Variants in NEGR1 observed in about 807,000 individuals in gnomAD.
NEGR1 encodes IgLON family member 4.
NEGR1 carries 10 observed loss-of-function variants against 40.9 expected under a neutral mutation model. That is an observed-to-expected ratio of 0.24 (90% CI 0.15 to 0.42). NEGR1 has a LOEUF of 0.42. Among genes scored for constraint, NEGR1 ranks in the 10% least tolerant of loss-of-function variants. The probability of loss-of-function intolerance (pLI) is 1.00; values close to 1 mark genes in which losing one functional copy is unlikely to be tolerated. For missense variants in NEGR1, 352 were observed against 438.9 expected (o/e 0.80, Z 1.77); for synonymous variants, 185 against 166.8 (o/e 1.11, Z -0.84).
chr1:71,418,026 C>T (rs1569848500), intron 6 of NEGR1, among the ~76,000 whole-genome samples: 3 of 151,330 alleles, frequency 2.0e-5, no homozygotes, highest in African/African-American at 7.3e-5. Flanking sequence ...TATACATGCT[C>T]AGTGATCACC....
chr1:71,833,275 T>C (rs1658901311), intron 2 of NEGR1, among the ~76,000 whole-genome samples: 1 of 152,054 alleles, frequency 6.6e-6, no homozygotes, highest in Admixed American at 6.6e-5. Flanking sequence ...AGTAACAAGA[T>C]GTTAGGACTT....
chr1:71,539,511 C>G (rs1455833745), intron 6 of NEGR1, among the ~76,000 whole-genome samples: 1 of 151,610 alleles, frequency 6.6e-6, no homozygotes, highest in Non-Finnish European at 1.5e-5. Flanking sequence ...AGTTTTTTGT[C>G]CCTACATGCA....
intron 1 of NEGR1, among the ~76,000 whole-genome samples, chr1:72,178,717 G>GT (rs201080397): frequency 0.014 from 2,084 of 149,952 alleles, 45 homozygotes; most frequent in African/African-American, 0.047. Context: ...GTTTTGTTTT[G>GT]TTTTTTTTAA....
rs544708196 is a variant in NEGR1, at chr1:71,620,799, T to C, written c.668-9653A>G. Among the ~76,000 whole-genome samples the C allele has an allele frequency of 3.4e-4, 51 of 151,982 alleles. No homozygotes were observed. In the South Asian group the frequency reaches 0.011, roughly 31 times the overall value. The stretch of plus-strand genomic sequence containing the variant: ...TCCAGCTTCCCCCAGACCTTAAACA[T>C]TTACACAGTGGTGAAATAATGCAGT... On this transcript the variant is annotated intron_variant, in intron 4 of 6. Coordinates refer to ENST00000357731, the MANE Select transcript of NEGR1 (RefSeq NM_173808.3).
At chr1:72,233,937 T>G (rs1654463498) in intron 1 of NEGR1, among the ~76,000 whole-genome samples, 1 of 152,128 alleles carries the variant, frequency 6.6e-6, no homozygotes, top group African/African-American at 2.4e-5. Context: ...CCCTTTTCTC[T>G]GTAGCCACAG....
At chr1:71,648,950 T>C (rs562215951) in intron 4 of NEGR1, among the ~76,000 whole-genome samples, 37 of 152,076 alleles carry the variant, frequency 2.4e-4, no homozygotes, top group Non-Finnish European at 4.6e-4. Flanking sequence ...AAAGTGATTT[T>C]CCAATGACTC....
intron 6 of NEGR1, among the ~76,000 whole-genome samples, chr1:71,443,013 G>A (rs772470504): frequency 6.6e-6 from 1 of 152,170 alleles, no homozygotes; most frequent in Admixed American, 6.6e-5. Flanking sequence ...AGTGGAGAAT[G>A]GGCAGAACTG....
chr1:71,730,131 C>T (rs1654810236), intron 3 of NEGR1, among the ~76,000 whole-genome samples: 1 of 150,268 alleles, frequency 6.7e-6, no homozygotes, highest in African/African-American at 2.5e-5. Context: ...CTGGTTTTTA[C>T]AAGAAGATAC....
chr1:71,844,206 T>C (rs1224892075), intron 2 of NEGR1, among the ~76,000 whole-genome samples: 2 of 152,176 alleles, frequency 1.3e-5, no homozygotes, highest in African/African-American at 4.8e-5. Context: ...TAATGAGAAC[T>C]ATGGATGTAA....
chr1:71,471,221 C>G (rs192780398), intron 6 of NEGR1, among the ~76,000 whole-genome samples: 1 of 152,252 alleles, frequency 6.6e-6, no homozygotes, highest in East Asian at 1.9e-4. Context: ...CACATCAGCT[C>G]TTCAGTAAAA....
At chr1:72,181,137 T>C (rs1188013080) in intron 1 of NEGR1, among the ~76,000 whole-genome samples, 1 of 152,172 alleles carries the variant, frequency 6.6e-6, no homozygotes, top group Non-Finnish European at 1.5e-5. Context: ...ATGACTGATA[T>C]TTTAGATGAG....
At chr1:71,548,113 G>T (rs995330990) in intron 6 of NEGR1, among the ~76,000 whole-genome samples, 16 of 151,670 alleles carry the variant, frequency 1.1e-4, no homozygotes, top group Admixed American at 4.6e-4. Flanking sequence ...TCTCATGAGA[G>T]ACCTTGAATT....
At chr1:71,672,701 C>T (rs1027338876) in intron 4 of NEGR1, among the ~76,000 whole-genome samples, 2 of 152,022 alleles carry the variant, frequency 1.3e-5, no homozygotes, top group Non-Finnish European at 2.9e-5. Context: ...GTGGTAAGCA[C>T]TTTGACAGAC....
At chr1:71,799,207 C>A (rs1229428768) in intron 2 of NEGR1, among the ~76,000 whole-genome samples, 1 of 152,074 alleles carries the variant, frequency 6.6e-6, no homozygotes, top group African/African-American at 2.4e-5. Flanking sequence ...ACTCCACCCC[C>A]TGACAGGCCC....
chr1:71,721,470 G>A (rs1654509357), intron 3 of NEGR1, among the ~76,000 whole-genome samples: 1 of 124,024 alleles, frequency 8.1e-6, no homozygotes, highest in South Asian at 2.8e-4. Context: ...TGTTCTCATT[G>A]GTACAAAAAA....
intron 2 of NEGR1, among the ~76,000 whole-genome samples, chr1:71,792,149 A>G (rs1386310770): frequency 1.3e-5 from 2 of 152,172 alleles, no homozygotes; most frequent in Non-Finnish European, 2.9e-5. Flanking sequence ...CACAGGCCCA[A>G]ATAAGTTTTT....
chr1:72,256,617 A>G (rs1655278226), intron 1 of NEGR1, among the ~76,000 whole-genome samples: 1 of 152,226 alleles, frequency 6.6e-6, no homozygotes, highest in African/African-American at 2.4e-5. Context: ...ATTGCAGTTC[A>G]GAGAAGGAGA....
intron 3 of NEGR1, among the ~76,000 whole-genome samples, chr1:71,715,738 C>G (rs1454232957): frequency 6.6e-6 from 1 of 152,222 alleles, no homozygotes; most frequent in Non-Finnish European, 1.5e-5. Flanking sequence ...GGTTCCTCAT[C>G]TATATCTGAG....
At chr1:71,439,722 T>A (rs1276735061) in intron 6 of NEGR1, 1 of 152,172 alleles carries the variant, frequency 6.6e-6, no homozygotes. Context: ...TTCCATATGC[T>A]TACCTTACCA....
Sources: allele counts gnomAD v4.1 joint callset (sites outside exome capture counted in the v4.1 genomes callset), GRCh38; gene constraint gnomAD v4.1.1; transcripts MANE v1.5; gene names NCBI Gene and HGNC (gene_info 2026-07-23, HGNC 2026-07-21).